CRLS1: variants seen among roughly 807,000 people sequenced by gnomAD.
CRLS1 encodes the protein cardiolipin synthase (CMP-forming).
Under a neutral mutation model 37.0 loss-of-function variants are expected in CRLS1, and 24 were observed. That is an observed-to-expected ratio of 0.65 (90% confidence interval 0.47 to 0.91). The LOEUF is 0.91. Ranked by LOEUF, CRLS1 falls within the 40% of genes least tolerant of loss-of-function variation. CRLS1 has a pLI of 0.00. For missense variants in CRLS1, 373 were observed against 395.8 expected (o/e 0.94, Z 0.49); for synonymous variants, 135 against 159.7 (o/e 0.85, Z 1.17).
chr20:6,030,288 A>G (rs1305808428), intron 3 of CRLS1, among the ~76,000 whole-genome samples: 2 of 152,152 alleles, frequency 1.3e-5, no homozygotes, highest in Non-Finnish European at 2.9e-5. Context: ...TATTTATTTT[A>G]AAATATCCTT....
At chr20:6,019,207 C>G (rs1020920032) in intron 3 of CRLS1, among the ~76,000 whole-genome samples, 2 of 152,050 alleles carry the variant, frequency 1.3e-5, no homozygotes, top group Admixed American at 6.6e-5. Context: ...TTAATTGTTA[C>G]GGGATGATTC....
intron 1 of CRLS1, among the ~76,000 whole-genome samples, chr20:6,008,407 A>T (rs1285714099): frequency 6.6e-6 from 1 of 152,198 alleles, no homozygotes; most frequent in African/African-American, 2.4e-5. Flanking sequence ...GAGGCTTTTC[A>T]AAGCTGAAAT....
intron 3 of CRLS1, among the ~76,000 whole-genome samples, chr20:6,018,507 C>T (rs1286671825): frequency 6.6e-6 from 1 of 152,184 alleles, no homozygotes; most frequent in Non-Finnish European, 1.5e-5. Flanking sequence ...TTATTCCCAA[C>T]CTCATAGAAA....
At chr20:6,017,773 A>C (rs1978873667) in intron 3 of CRLS1, among the ~76,000 whole-genome samples, 1 of 152,218 alleles carries the variant, frequency 6.6e-6, no homozygotes, top group Non-Finnish European at 1.5e-5. Context: ...TACAATGTTA[A>C]GTCTTCCAGT....
rs1600343949 is a variant in CRLS1, at chr20:6,008,021, C to G, written c.306+1469C>G. Among the ~76,000 whole-genome samples, 4 of 152,050 alleles carry G rather than the reference C, an allele frequency of 2.6e-5. No homozygotes were observed. In the South Asian group the frequency reaches 8.3e-4, roughly 32 times the overall value. ...ACCCCAGCAATAACTATTTAATTAT[C>G]CCTCCAAGCTGAGGTGCTTTCTTGC... On this transcript the variant is annotated intron_variant, in intron 1 of 6. Coordinates refer to ENST00000378863, the MANE Select transcript of CRLS1 (RefSeq NM_019095.6).
intron 3 of CRLS1, chr20:6,028,506 A>T (rs1979898974): frequency 6.6e-6 from 1 of 151,924 alleles, no homozygotes; most frequent in African/African-American, 2.4e-5. Flanking sequence ...GGTTTAAGTC[A>T]ATTTCTAGAA....
At chr20:6,028,009 T>A (rs150953925) in intron 3 of CRLS1, among the ~76,000 whole-genome samples, 2 of 152,372 alleles carry the variant, frequency 1.3e-5, no homozygotes, top group South Asian at 2.1e-4. Context: ...ATTCTCTTTG[T>A]GTTTTTATAT....
chr20:6,020,505 C>T (rs1966685507), intron 3 of CRLS1, among the ~76,000 whole-genome samples: 1 of 152,110 alleles, frequency 6.6e-6, no homozygotes, highest in Non-Finnish European at 1.5e-5. Context: ...CCTTTCAGCC[C>T]ACTACTGTCA....
chr20:6,011,574 T>C (rs1192465978), intron 2 of CRLS1, among the ~76,000 whole-genome samples: 2 of 53,096 alleles, frequency 3.8e-5, no homozygotes, highest in African/African-American at 2.5e-4. Context: ...TGTCCCTGCT[T>C]TTTTTTTTTT....
chr20:6,032,221 C>A, intron 5 of CRLS1, 141 bp downstream of exon 5: 1 of 611,530 alleles, frequency 1.6e-6, no homozygotes, highest in South Asian at 2.4e-5. Context: ...GTTGGGCAGG[C>A]AGTTTTAACC....
intron 6 of CRLS1, among the ~76,000 whole-genome samples, chr20:6,036,274 T>C (rs1326584345): frequency 6.6e-6 from 1 of 152,216 alleles, no homozygotes; most frequent in Non-Finnish European, 1.5e-5. Context: ...TTCTAACACA[T>C]ATATTTCATT....
At chr20:6,015,004 T>C (rs1370239066) in intron 2 of CRLS1, among the ~76,000 whole-genome samples, 1 of 152,198 alleles carries the variant, frequency 6.6e-6, no homozygotes, top group Non-Finnish European at 1.5e-5. Context: ...CTGCCGTTCA[T>C]GCTTTCTTTG....
intron 1 of CRLS1, 43 bp downstream of exon 1, chr20:6,006,595 G>A (rs2090058995): frequency 1.6e-6 from 2 of 1,248,062 alleles, no homozygotes; most frequent in Non-Finnish European, 2.0e-6. Flanking sequence ...CTGGGCTGGG[G>A]TCGCCGCCCC....
chr20:6,029,834 T>G (rs941389081), intron 3 of CRLS1, among the ~76,000 whole-genome samples: 3 of 152,158 alleles, frequency 2.0e-5, no homozygotes, highest in African/African-American at 7.2e-5. Context: ...GATAAGCATT[T>G]TTTCTTTGGA....
chr20:6,037,107 T>C lies in CRLS1; in HGVS notation c.855T>C (p.Ala285=), dbSNP rs138678542. Residue 285 remains alanine (A), a synonymous_variant, in exon 7 of 7, where the codon GCT becomes GCC. Coordinates refer to ENST00000378863, the MANE Select transcript of CRLS1 (RefSeq NM_019095.6). The part of the protein sequence containing the change: ...CFTAFTTAAS[A]YSYYHYGRKT... ...CAGCTTTCACCACAGCTGCATCAGC[T>C]TATAGTTACTATCATTATGGCCGGA... 2.6e-4 allele frequency: 414 copies of C among 1,613,666 alleles called. 2 individuals are homozygous for C. The highest frequency in any genetic ancestry group is 5.6e-5 in the Non-Finnish European group (66 of 1,179,798).
intron 3 of CRLS1, among the ~76,000 whole-genome samples, chr20:6,027,902 C>T (rs1979850948): frequency 6.6e-6 from 1 of 152,186 alleles, no homozygotes; most frequent in African/African-American, 2.4e-5. Flanking sequence ...CTGAGTTTCT[C>T]TTGTGGGAAT....
chr20:6,016,967 C>CT lies in CRLS1; in HGVS notation c.574+1485dup, dbSNP rs762183532. Among the ~76,000 whole-genome samples the CT allele has an allele frequency of 5.9e-5, 9 of 151,920 alleles. No homozygotes were observed. In the East Asian group the frequency reaches 9.7e-4, roughly 16 times the overall value. On this transcript the variant is annotated intron_variant, in intron 3 of 6. Transcript: ENST00000378863. ...TGATTGACAGTTGAAGTAGGCATCA[C>CT]TTTTTTTTATCTTTTATCTTTTTTT...
intron 1 of CRLS1, chr20:6,006,864 A>G: frequency 1.0e-6 from 1 of 970,072 alleles, no homozygotes; most frequent in Non-Finnish European, 1.2e-6. Flanking sequence ...CTAAAAGCCT[A>G]TTTTTAATTC....
chr20:6,007,548 C>G, intron 1 of CRLS1: 1 of 821,232 alleles, frequency 1.2e-6, no homozygotes, highest in Non-Finnish European at 2.0e-6. Context: ...CTTCACTGTT[C>G]CAGCAACATT....
Sources: allele counts gnomAD v4.1 joint callset (sites outside exome capture counted in the v4.1 genomes callset), GRCh38; gene constraint gnomAD v4.1.1; transcripts MANE v1.5; gene names NCBI Gene and HGNC (gene_info 2026-07-23, HGNC 2026-07-21).